Variants in KIFAP3 observed in about 807,000 individuals in gnomAD.
KIFAP3 encodes the protein kinesin-associated protein 3.
A neutral mutation model predicts 106.5 loss-of-function variants in KIFAP3; 68 were observed. The ratio of observed to expected loss-of-function variants is 0.64; its 90% CI spans 0.53 to 0.78. The LOEUF is 0.78. Ranked by LOEUF, KIFAP3 falls within the 30% of genes least tolerant of loss-of-function variation. The pLI is 0.00. For synonymous variants in KIFAP3, 320 were observed against 311.5 expected (o/e 1.03, Z -0.29); for missense variants, 780 against 941.8 (o/e 0.83, Z 2.25).
chr1:170,074,529 C>T lies in KIFAP3; in HGVS notation c.-62G>A, dbSNP rs569556831. ...CTTGAGAGGCAGGCGCGGTTATTTC[C>T]GGGGACGGTGGCCAAAGTACCCTCA... On this transcript the variant is annotated 5_prime_UTR_variant, in exon 1 of 20. Transcript: ENST00000361580. 1.6e-4 allele frequency: 260 copies of T among 1,610,692 alleles called. 2 individuals carry two copies. The highest frequency in any genetic ancestry group is 7.3e-4 in the South Asian group (66 of 90,360).
intron 16 of KIFAP3, among the ~76,000 whole-genome samples, chr1:169,976,979 G>A (rs1456631048): frequency 2.0e-5 from 3 of 151,824 alleles, no homozygotes; most frequent in African/African-American, 7.3e-5. Context: ...CCCACCTCAG[G>A]TTCCCAAAGT....
At chr1:169,943,204 T>C (rs1431652630) in intron 19 of KIFAP3, among the ~76,000 whole-genome samples, 1 of 152,108 alleles carries the variant, frequency 6.6e-6, no homozygotes, top group Non-Finnish European at 1.5e-5. Context: ...CTGTAAAGAC[T>C]ATGGGCAATA....
At chr1:170,038,574 T>C (rs985730598) in intron 4 of KIFAP3, 143 bp from the exon 5 acceptor site, 2 of 818,142 alleles carry the variant, frequency 2.4e-6, no homozygotes, top group Non-Finnish European at 3.8e-6. Context: ...TTTTTGGATA[T>C]GGAAATTTTA....
intron 18 of KIFAP3, among the ~76,000 whole-genome samples, chr1:169,959,544 A>G (rs900928575): frequency 3.3e-5 from 5 of 152,250 alleles, no homozygotes; most frequent in African/African-American, 9.6e-5. Context: ...GTATCAGAAA[A>G]ATATTTAGGA....
Position 169,973,097 on chromosome 1 carries a change from AAT to A in KIFAP3, c.1898-501_1898-500del, listed in dbSNP as rs1349415441. Among the ~76,000 whole-genome samples, 4 of 117,686 alleles carry A rather than the reference AAT, an allele frequency of 3.4e-5. 1 individual carries two copies. The highest frequency in any genetic ancestry group is 7.2e-5 in the Non-Finnish European group (4 of 55,296). 77.2% of individuals were successfully genotyped at this position (117,686 alleles called of 152,430 possible). A position where few individuals can be genotyped will look rare whatever the true frequency, so the allele number is the denominator to read the frequency against. ...CAAAAGAGATAAAAATAATTTAAAA[AAT>A]AGTGTGTATATATATATATATATAA... On this transcript the variant is annotated intron_variant, in intron 16 of 19. Transcript: ENST00000361580.
intron 19 of KIFAP3, among the ~76,000 whole-genome samples, chr1:169,945,499 C>T (rs776333693): frequency 6.6e-6 from 1 of 152,246 alleles, no homozygotes; most frequent in Non-Finnish European, 1.5e-5. Context: ...CCAACTGCAG[C>T]TGGCATCCCT....
In KIFAP3 at chr1:170,074,593, G is replaced by A; in HGVS notation, c.-126C>T. 6.5e-7 allele frequency: 1 copy of A among 1,544,884 alleles called. No homozygotes were observed. Among genetic ancestry groups the A allele is most frequent in the Non-Finnish European group, 8.7e-7 (1 of 1,143,598 alleles). The stretch of plus-strand genomic sequence containing the variant: ...TGACAGTCCTGAGGCCTGCAAGGCG[G>A]GGCAGCAGCGGCGCTGTGGTTACCA... On this transcript the variant is annotated 5_prime_UTR_variant, in exon 1 of 20. Transcript: ENST00000361580.
intron 10 of KIFAP3, among the ~76,000 whole-genome samples, chr1:169,996,157 T>C (rs915893979): frequency 1.3e-5 from 2 of 152,162 alleles, no homozygotes; most frequent in Non-Finnish European, 2.9e-5. Flanking sequence ...TCTTATGTAC[T>C]TTCTCATTTT....
intron 1 of KIFAP3, among the ~76,000 whole-genome samples, chr1:170,057,913 TCATA>T (rs1670932114): frequency 1.3e-5 from 2 of 152,166 alleles, no homozygotes. Flanking sequence ...CACTTTGTTT[TCATA>T]CATGTGTAAG....
chr1:169,990,290 C>G (rs1289420460), intron 11 of KIFAP3: 3 of 418,366 alleles, frequency 7.2e-6, no homozygotes, highest in Non-Finnish European at 1.3e-5. Context: ...CTTCTTTCAG[C>G]AAGCCCATGT....
At chr1:170,036,135 T>C (rs1669679753) in intron 5 of KIFAP3, among the ~76,000 whole-genome samples, 1 of 152,022 alleles carries the variant, frequency 6.6e-6, no homozygotes, top group South Asian at 2.1e-4. Flanking sequence ...TTCAGGTAGG[T>C]TAATAAGCAT....
intron 19 of KIFAP3, among the ~76,000 whole-genome samples, chr1:169,926,673 TTG>T (rs112339572): frequency 0.56 from 70,072 of 126,156 alleles, 17,359 homozygotes; most frequent in African/African-American, 0.69. Context: ...ATATGTACAG[TTG>T]TGTGTGTACA....
chr1:170,080,028 A>G (rs1321626462), intron 1 of KIFAP3, among the ~76,000 whole-genome samples: 1 of 152,116 alleles, frequency 6.6e-6, no homozygotes, highest in Admixed American at 6.5e-5. Flanking sequence ...AAGTAAAACT[A>G]TTTTGATTTA....
chr1:169,943,133 A>C (rs929968223), intron 19 of KIFAP3, among the ~76,000 whole-genome samples: 1 of 152,114 alleles, frequency 6.6e-6, no homozygotes, highest in Non-Finnish European at 1.5e-5. Flanking sequence ...AATAAGTGCA[A>C]ATCAGTTTAC....
intron 18 of KIFAP3, among the ~76,000 whole-genome samples, chr1:169,955,226 C>T (rs1664944844): frequency 6.6e-6 from 1 of 152,066 alleles, no homozygotes; most frequent in Admixed American, 6.5e-5. Context: ...TATTCAATCA[C>T]CAAATGATTA....
At chr1:169,984,712 AT>A in intron 11 of KIFAP3, 22 bp from the exon 12 acceptor site, 1 of 1,328,772 alleles carries the variant, frequency 7.5e-7, no homozygotes, top group Non-Finnish European at 1.1e-6. Flanking sequence ...CACAGGGCAC[AT>A]TTTACTCAAG....
At chr1:169,936,648 C>T (rs1663818889) in intron 19 of KIFAP3, among the ~76,000 whole-genome samples, 1 of 151,554 alleles carries the variant, frequency 6.6e-6, no homozygotes, top group Admixed American at 6.6e-5. Flanking sequence ...TTCACATTCT[C>T]TAAATTTTGT....
chr1:169,939,505 T>C (rs989920816), intron 19 of KIFAP3, among the ~76,000 whole-genome samples: 5 of 152,200 alleles, frequency 3.3e-5, no homozygotes, highest in African/African-American at 1.2e-4. Flanking sequence ...ATAAGGATGG[T>C]GCTGAGAGGA....
intron 10 of KIFAP3, 101 bp downstream of exon 10, chr1:170,016,361 C>A: frequency 1.2e-6 from 1 of 863,664 alleles, no homozygotes; most frequent in South Asian, 1.7e-5. Context: ...AGAATATAGA[C>A]AGAATGCTTT....
Sources: gnomAD v4.1 joint callset for allele counts (sites outside exome capture counted in the v4.1 genomes callset) on GRCh38, gnomAD v4.1.1 for gene constraint, MANE v1.5 for transcripts, NCBI Gene and HGNC (gene_info 2026-07-23, HGNC 2026-07-21) for gene names.